The following OR9Q1 variants were observed in gnomAD, a reference collection of about 807,000 sequenced individuals.
The protein encoded by OR9Q1 is olfactory receptor 9Q1.
For synonymous variants in OR9Q1, 153 were observed against 148.6 expected, an observed-to-expected ratio of 1.03 and a Z score of -0.22; for missense variants, 374 against 378.8, an observed-to-expected ratio of 0.99 and a Z score of 0.11.
intron 2 of OR9Q1, among the ~76,000 whole-genome samples, chr11:58,107,552 A>T (rs758059163): frequency 2.0e-5 from 3 of 152,186 alleles, no homozygotes; most frequent in Admixed American, 6.6e-5. Context: ...TGCTATTGTG[A>T]ATAGTGCCGT....
intron 2 of OR9Q1, among the ~76,000 whole-genome samples, chr11:58,102,747 G>T (rs78491631): frequency 6.6e-6 from 1 of 151,956 alleles, no homozygotes; most frequent in Non-Finnish European, 1.5e-5. Context: ...AGAGAGGATC[G>T]GTTGGGTTGA....
intron 2 of OR9Q1, among the ~76,000 whole-genome samples, chr11:58,090,668 G>C (rs1481043652): frequency 1.3e-5 from 2 of 152,148 alleles, no homozygotes; most frequent in Non-Finnish European, 1.5e-5. Flanking sequence ...AAATGAGTTA[G>C]GGAGGAGTCC....
chr11:58,125,891 C>T (rs2119827048), intron 2 of OR9Q1, among the ~76,000 whole-genome samples: 1 of 152,280 alleles, frequency 6.6e-6, no homozygotes, highest in Middle Eastern at 3.4e-3. Flanking sequence ...CCCAAAGTTA[C>T]TCAGTGGTAA....
At chr11:58,144,530 G>A (rs1237368401) in intron 2 of OR9Q1, 1 of 152,118 alleles carries the variant, frequency 6.6e-6, no homozygotes, top group African/African-American at 2.4e-5. Flanking sequence ...GGGGGTTCCG[G>A]TTGAAGGCAG....
chr11:58,155,429 G>A (rs965695614), intron 2 of OR9Q1, among the ~76,000 whole-genome samples: 7 of 152,228 alleles, frequency 4.6e-5, no homozygotes, highest in Non-Finnish European at 5.9e-5. Context: ...GTACCTTGAA[G>A]ATCGTGTGGT....
intron 2 of OR9Q1, among the ~76,000 whole-genome samples, chr11:58,115,838 C>T (rs1375843501): frequency 1.3e-5 from 2 of 152,126 alleles, no homozygotes; most frequent in Non-Finnish European, 1.5e-5. Context: ...CAATTGCTAT[C>T]AGACAAAGAT....
chr11:58,156,809 C>A (rs758742835), intron 2 of OR9Q1, among the ~76,000 whole-genome samples: 1 of 152,140 alleles, frequency 6.6e-6, no homozygotes. Context: ...TAATTTTTGG[C>A]TCATTTCCTG....
intron 1 of OR9Q1, among the ~76,000 whole-genome samples, chr11:58,024,827 CG>C (rs1463185924): frequency 1.3e-5 from 2 of 152,102 alleles, no homozygotes; most frequent in Non-Finnish European, 2.9e-5. Flanking sequence ...CCAGCCTTGG[CG>C]GGGCTCCGAG....
At chr11:58,153,660 T>C (rs1854376261) in intron 2 of OR9Q1, among the ~76,000 whole-genome samples, 1 of 152,160 alleles carries the variant, frequency 6.6e-6, no homozygotes, top group Admixed American at 6.6e-5. Context: ...TGTCTGGATT[T>C]CTCTTTCAGC....
At position 58,179,819 on chromosome 11, in the gene OR9Q1, T is replaced by C. The variant is rs1357475589; in HGVS notation, c.375T>C (p.Ala125=). The change falls in exon 3 of 3, where the codon GCT becomes GCC. Residue 125 remains alanine (A), a synonymous_variant. Coordinates refer to ENST00000335397, the MANE Select transcript of OR9Q1 (RefSeq NM_001005212.4). ...LALMAYDRYL[A]VCQPLLYVTI... is the part of the protein sequence containing the mutation. The stretch of plus-strand genomic sequence containing the variant: ...TCATGGCCTATGACCGCTACTTGGC[T>C]GTGTGCCAGCCCCTGCTTTATGTCA... The C allele has an allele frequency of 1.2e-6, 2 of 1,614,206 alleles. No homozygotes were observed. The highest frequency in any genetic ancestry group is 2.7e-5 in the African/African-American group (2 of 75,072).
intron 2 of OR9Q1, among the ~76,000 whole-genome samples, chr11:58,130,009 C>T (rs2119839284): frequency 6.6e-6 from 1 of 152,148 alleles, no homozygotes; most frequent in East Asian, 1.9e-4. Context: ...GGTGCTTTGC[C>T]ATACCCATCA....
At chr11:58,043,895 G>A (rs1348896071) in intron 1 of OR9Q1, among the ~76,000 whole-genome samples, 2 of 152,170 alleles carry the variant, frequency 1.3e-5, no homozygotes, top group East Asian at 3.8e-4. Flanking sequence ...TATATCCTGA[G>A]CTCTGTGGGT....
chr11:58,066,603 CCTTG>C (rs1269482354), intron 2 of OR9Q1, among the ~76,000 whole-genome samples: 1 of 152,150 alleles, frequency 6.6e-6, no homozygotes, highest in Non-Finnish European at 1.5e-5. Context: ...CAGCCCCCAT[CCTTG>C]CCTCTAGCAC....
rs115052598 is a variant in OR9Q1, at chr11:58,090,614, G to A, written c.-15+34667G>A. ...CATTGCCCTGAAATTTTCTTTTTTT[G>A]TGGTGTGTCCAGATTTTGGTATCAG... On this transcript the variant is annotated intron_variant, in intron 2 of 2. Coordinates refer to ENST00000335397, the MANE Select transcript of OR9Q1 (RefSeq NM_001005212.4). Among the ~76,000 whole-genome samples, 1,292 of 151,998 alleles carry A rather than the reference G, an allele frequency of 8.5e-3. 17 individuals are homozygous for A. Among genetic ancestry groups the A allele is most frequent in the African/African-American group, 0.029 (1,211 of 41,492 alleles).
intron 2 of OR9Q1, among the ~76,000 whole-genome samples, chr11:58,076,581 T>G (rs1853541049): frequency 6.6e-6 from 1 of 152,220 alleles, no homozygotes; most frequent in Admixed American, 6.5e-5. Flanking sequence ...TGGCTTATAT[T>G]CTAAAGGTGA....
At chr11:58,076,564 T>C (rs140469352) in intron 2 of OR9Q1, among the ~76,000 whole-genome samples, 2 of 152,226 alleles carry the variant, frequency 1.3e-5, no homozygotes, top group African/African-American at 2.4e-5. Context: ...ATGGGCTCAC[T>C]GACTTTTGGC....
intron 2 of OR9Q1, among the ~76,000 whole-genome samples, chr11:58,114,352 G>A (rs1455603602): frequency 6.6e-6 from 1 of 152,186 alleles, no homozygotes; most frequent in Non-Finnish European, 1.5e-5. Context: ...AATGATAAAT[G>A]AAAGAGAGAC....
chr11:58,055,249 A>G (rs1344260948), intron 1 of OR9Q1, among the ~76,000 whole-genome samples: 1 of 152,104 alleles, frequency 6.6e-6, no homozygotes, highest in Non-Finnish European at 1.5e-5. Context: ...ACTCAACATA[A>G]AAAACACTAA....
At chr11:58,074,499 A>G (rs1419100698) in intron 2 of OR9Q1, among the ~76,000 whole-genome samples, 1 of 151,286 alleles carries the variant, frequency 6.6e-6, no homozygotes, top group Non-Finnish European at 1.5e-5. Flanking sequence ...TAGATTCTGG[A>G]TATTAGACTT....
Sources: allele counts gnomAD v4.1 joint callset (sites outside exome capture counted in the v4.1 genomes callset), GRCh38; gene constraint gnomAD v4.1.1; transcripts MANE v1.5; gene names NCBI Gene and HGNC (gene_info 2026-07-23, HGNC 2026-07-21).